The following ATP2C1 variants were observed in gnomAD, a reference collection of about 807,000 sequenced individuals.
ATP2C1 encodes the protein ATPase secretory pathway Ca2+ transporting 1.
In ATP2C1, 31 loss-of-function variants were observed where a neutral mutation model predicts 120.5. That is an observed-to-expected ratio of 0.26 (90% confidence interval 0.19 to 0.35). ATP2C1 has a LOEUF of 0.35. Among genes scored for constraint, ATP2C1 ranks in the 10% least tolerant of loss-of-function variants. The pLI is 1.00. For synonymous variants in ATP2C1, 351 were observed against 358.7 expected (o/e 0.98, Z 0.24); for missense variants, 731 against 1,107.5 (o/e 0.66, Z 4.83).
At chr3:130,941,747 T>C (rs1280299633) in intron 8 of ATP2C1, 48 bp downstream of exon 8, 1 of 1,391,642 alleles carries the variant, frequency 7.2e-7, no homozygotes, top group Non-Finnish European at 1.0e-6. Context: ...TGGATGTAGA[T>C]TAAAGGATAA....
chr3:130,905,562 CA>C (rs1180441837), intron 2 of ATP2C1, among the ~76,000 whole-genome samples: 4 of 152,084 alleles, frequency 2.6e-5, no homozygotes, highest in Non-Finnish European at 5.9e-5. Flanking sequence ...TTATGGTATA[CA>C]GGCAAATTCT....
Position 130,887,695 on chromosome 3 carries a change from G to A in ATP2C1, c.108+36767G>A, listed in dbSNP as rs141943316. On this transcript the variant is annotated intron_variant, in intron 1 of 26. Coordinates refer to the ATP2C1 transcript ENST00000504381. ...GATCTTCAGTCAGCTTGTGGTGAATGCTGCCAGGCTTGGACATACCCTTCA... is the reference window on the plus strand; with the variant it reads ...GATCTTCAGTCAGCTTGTGGTGAATACTGCCAGGCTTGGACATACCCTTCA... Among the ~76,000 whole-genome samples the A allele has an allele frequency of 5.0e-3, 759 of 152,104 alleles. 8 individuals are homozygous for A. Among genetic ancestry groups the A allele is most frequent in the African/African-American group, 0.017 (708 of 41,492 alleles).
intron 2 of ATP2C1, among the ~76,000 whole-genome samples, chr3:130,922,892 G>C (rs1028465905): frequency 1.3e-5 from 2 of 152,114 alleles, no homozygotes; most frequent in Non-Finnish European, 2.9e-5. Context: ...GCCTGTCTTG[G>C]AGAATGTTCC....
At chr3:130,852,733 G>A (rs1338159250) in intron 1 of ATP2C1, among the ~76,000 whole-genome samples, 1 of 152,168 alleles carries the variant, frequency 6.6e-6, no homozygotes, top group Admixed American at 6.6e-5. Flanking sequence ...TTATAAAGGA[G>A]GTTAATAATG....
At chr3:130,905,746 C>A (rs775980718) in intron 2 of ATP2C1, among the ~76,000 whole-genome samples, 14 of 152,160 alleles carry the variant, frequency 9.2e-5, no homozygotes, top group Non-Finnish European at 1.9e-4. Flanking sequence ...AAGATGTGTT[C>A]TTAAAAGGAC....
intron 17 of ATP2C1, among the ~76,000 whole-genome samples, chr3:130,972,524 C>T (rs1403849446): frequency 2.7e-5 from 4 of 149,918 alleles, no homozygotes; most frequent in Admixed American, 2.0e-4. Flanking sequence ...GCACAATGTG[C>T]CGGTTAGTTA....
Position 130,932,154 on chromosome 3 carries a change from TTCC to T in ATP2C1, c.234+19_234+21del. 7.1e-7 allele frequency: 1 copy of T among 1,416,774 alleles called. No homozygotes were observed. The allele number at this position is 1,416,774 out of a possible 1,614,324, so 87.8% of individuals were successfully genotyped here. On this transcript the variant is annotated intron_variant, in intron 4 of 27. Transcript: ENST00000510168. ...TATTTCTCAGGTGAGATACTTTTACTTCCTCTTCTACTGTGTAATTTATTAATA... is the reference window on the plus strand; with the variant it reads ...TATTTCTCAGGTGAGATACTTTTACTTCTTCTACTGTGTAATTTATTAATA...
intron 12 of ATP2C1, among the ~76,000 whole-genome samples, chr3:130,959,889 A>G (rs1033016763): frequency 1.3e-5 from 2 of 152,162 alleles, no homozygotes; most frequent in African/African-American, 4.8e-5. Context: ...CCCCCCAAAA[A>G]GAGTAAAAAG....
Position 131,003,081 on chromosome 3 carries a change from G to C in ATP2C1, c.*1731G>C. 2 of 985,378 alleles carry C rather than the reference G, an allele frequency of 2.0e-6. No individual in the cohort carries two copies. The highest frequency in any genetic ancestry group is 2.4e-6 in the Non-Finnish European group (2 of 829,520). 61.0% of individuals were successfully genotyped at this position (985,378 alleles called of 1,614,324 possible). On this transcript the variant is annotated 3_prime_UTR_variant, in exon 28 of 28. Transcript: ENST00000510168. Reference sequence around the variant, plus strand: ...GCATTTTAGGTTCAGATTATGACTTGATTGAAATAAATGTGCCTATACATT... The same window carrying C: ...GCATTTTAGGTTCAGATTATGACTTCATTGAAATAAATGTGCCTATACATT...
Position 131,002,951 on chromosome 3 carries a change from C to CT in ATP2C1, c.*1602dup, listed in dbSNP as rs2062960112. On this transcript the variant is annotated 3_prime_UTR_variant, in exon 28 of 28. Transcript: ENST00000510168. ...CATGGAAGCCATTGTCTAATCAACT[C>CT]TATCATTAGTGACTTGATGTCTCAT... The CT allele has an allele frequency of 3.0e-6, 3 of 985,756 alleles. No individual in the cohort carries two copies. Among genetic ancestry groups the CT allele is most frequent in the South Asian group, 9.4e-5 (2 of 21,282 alleles). The allele number at this position is 985,756 out of a possible 1,614,324, so 61.1% of individuals were successfully genotyped here. A position where few individuals can be genotyped will look rare whatever the true frequency, so the allele number is the denominator to read the frequency against.
chr3:131,002,414 T>C lies in ATP2C1; in HGVS notation c.*1064T>C. The C allele has an allele frequency of 1.0e-6, 1 of 985,462 alleles. No individual in the cohort carries two copies. The highest frequency in any genetic ancestry group is 1.2e-6 in the Non-Finnish European group (1 of 829,938). 61.0% of individuals were successfully genotyped at this position (985,462 alleles called of 1,614,324 possible). ...AAGATTCTTTGCTGGTCTTGCTCTG[T>C]GTGCATCTGAAGCTTCTTTGGCCTA... is the stretch of plus-strand genomic sequence containing the variant. On this transcript the variant is annotated 3_prime_UTR_variant, in exon 28 of 28. Transcript: ENST00000510168.
chr3:131,002,742 GC>G lies in ATP2C1; in HGVS notation c.*1393del. On this transcript the variant is annotated 3_prime_UTR_variant, in exon 28 of 28. Coordinates refer to ENST00000510168, the MANE Select transcript of ATP2C1 (RefSeq NM_001378687.1). ...ATCTGTCAGGATGAACCACTCCTTA[GC>G]TTTTATCCAATATTAAACTGCAAGT... is the stretch of plus-strand genomic sequence containing the variant. 1 of 985,336 alleles carries G rather than the reference GC, an allele frequency of 1.0e-6. No homozygotes were observed. Among genetic ancestry groups the G allele is most frequent in the Non-Finnish European group, 1.2e-6 (1 of 829,870 alleles). The allele number at this position is 985,336 out of a possible 1,614,324, so 61.0% of individuals were successfully genotyped here.
At chr3:130,932,252 TG>T in intron 4 of ATP2C1, 114 bp downstream of exon 4, 1 of 744,080 alleles carries the variant, frequency 1.3e-6, no homozygotes, top group South Asian at 1.5e-5. Context: ...AATTTTTAGA[TG>T]TTTTTTACCT....
intron 2 of ATP2C1, among the ~76,000 whole-genome samples, chr3:130,905,425 C>T (rs2058078016): frequency 6.6e-6 from 1 of 151,992 alleles, no homozygotes; most frequent in Non-Finnish European, 1.5e-5. Context: ...TGTTCTCAAC[C>T]ACAGTATATT....
downstream of ATP2C1, among the ~76,000 whole-genome samples, chr3:131,006,193 C>G (rs1231467379): frequency 1.3e-5 from 2 of 152,132 alleles, no homozygotes; most frequent in African/African-American, 2.4e-5. Flanking sequence ...CTCACTGCAA[C>G]CTTTGCTTCC....
At chr3:130,976,755 C>T (rs190580026) in intron 18 of ATP2C1, among the ~76,000 whole-genome samples, 2 of 152,210 alleles carry the variant, frequency 1.3e-5, no homozygotes, top group African/African-American at 2.4e-5. Flanking sequence ...TTTCTCCCAG[C>T]GTCATTTCTG....
exon 27 of ATP2C1, chr3:131,016,390 C>T (rs766344095): frequency 6.3e-7 from 1 of 1,594,978 alleles, no homozygotes; most frequent in South Asian, 1.1e-5. Context: ...ACTGTAACAG[C>T]TTTTCATTTT....
chr3:130,874,857 G>A (rs1016097979), intron 1 of ATP2C1, among the ~76,000 whole-genome samples: 1 of 152,168 alleles, frequency 6.6e-6, no homozygotes, highest in African/African-American at 2.4e-5. Context: ...GATTCAGTAG[G>A]ACTCGCCGGA....
intron 17 of ATP2C1, among the ~76,000 whole-genome samples, chr3:130,973,805 T>C (rs1027114849): frequency 7.2e-5 from 11 of 152,126 alleles, no homozygotes; most frequent in African/African-American, 2.7e-4. Context: ...TGGAAGATAA[T>C]AGAGCAAAGC....
Sources: gnomAD v4.1 joint callset for allele counts (sites outside exome capture counted in the v4.1 genomes callset) on GRCh38, gnomAD v4.1.1 for gene constraint, MANE v1.5 for transcripts, NCBI Gene and HGNC (gene_info 2026-07-23, HGNC 2026-07-21) for gene names.